Variants in IL4I1 observed in about 807,000 individuals in gnomAD.
The protein encoded by IL4I1 is L-amino-acid oxidase.
IL4I1 carries 24 observed loss-of-function variants against 29.7 expected under a neutral mutation model. The ratio of observed to expected loss-of-function variants is 0.81; its 90% CI spans 0.59 to 1.14. The LOEUF (loss-of-function observed/expected upper bound fraction) is 1.14. IL4I1 is among the 50% of genes most tolerant of loss of function. The probability of loss-of-function intolerance (pLI) is 0.00; values close to 1 mark genes in which losing one functional copy is unlikely to be tolerated. For synonymous variants in IL4I1, 371 were observed against 352.5 expected (o/e 1.05, Z -0.59); for missense variants, 686 against 785.6 (o/e 0.87, Z 1.52).
chr19:49,917,989 G>A (rs1363902228), intron 2 of IL4I1, among the ~76,000 whole-genome samples: 3 of 152,040 alleles, frequency 2.0e-5, no homozygotes, highest in African/African-American at 7.3e-5. Flanking sequence ...CTGGGTGACA[G>A]AGCGAGACTC....
At chr19:49,916,706 G>A (rs1383647294) in intron 2 of IL4I1, among the ~76,000 whole-genome samples, 2 of 151,562 alleles carry the variant, frequency 1.3e-5, no homozygotes, top group Non-Finnish European at 1.5e-5. Flanking sequence ...GGAGCTTGCA[G>A]TAAGCCGAGA....
At chr19:49,918,915 GT>G (rs2075696034) in intron 2 of IL4I1, among the ~76,000 whole-genome samples, 6 of 109,828 alleles carry the variant, frequency 5.5e-5, no homozygotes, top group African/African-American at 1.8e-4. Context: ...GGGGCGGGGT[GT>G]GGGGGGGCGG....
Position 49,909,017 on chromosome 19 carries a change from G to A in IL4I1, c.-227-4696C>T, listed in dbSNP as rs375689644. The A allele has an allele frequency of 3.7e-6, 6 of 1,612,846 alleles. No homozygotes were observed. The highest frequency in any genetic ancestry group is 1.7e-4 in the Middle Eastern group (1 of 5,868). On this transcript the variant is annotated intron_variant, in intron 2 of 9. Transcript: ENST00000341114. ...GGATGTTGTTGTGGAGGTGCCGGAA[G>A]CTGCTCCAGGTGCCTTTAAGCTGAA...
chr19:49,909,124 A>G (rs1600499714), intron 2 of IL4I1: 1 of 1,612,182 alleles, frequency 6.2e-7, no homozygotes, highest in Non-Finnish European at 8.5e-7. Context: ...ATGAGGTTGG[A>G]GCAGTTGCTA....
chr19:49,895,159 T>G lies in IL4I1; in HGVS notation c.274A>C (p.Asn92His). The change falls in exon 4 of 8, where the codon AAC (asparagine) becomes CAC (histidine). Residue 92 changes from asparagine (N) to histidine (H), a missense_variant. Physicochemically the swap from Asn to His is moderately conservative, Grantham distance 68. Coordinates refer to ENST00000391826, the MANE Select transcript of IL4I1 (RefSeq NM_152899.2). Reference sequence around the variant, plus strand: ...GTGAAGATGCGGCCCCCGATCCTGTTATCTGCCTCCAGGATGGTGACCTGA... The same window carrying G: ...GTGAAGATGCGGCCCCCGATCCTGTGATCTGCCTCCAGGATGGTGACCTGA... ...GHKVTILEAD[N>H]RIGGRIFTYR... is the part of the protein sequence containing the mutation. 2.5e-6 allele frequency: 4 copies of G among 1,613,790 alleles called. No homozygotes were observed. Among genetic ancestry groups the G allele is most frequent in the Non-Finnish European group, 3.4e-6 (4 of 1,179,820 alleles).
Position 49,896,002 on chromosome 19 carries a change from T to C in IL4I1, c.65A>G (p.Gln22Arg), listed in dbSNP as rs2122530299. The C allele has an allele frequency of 6.2e-7, 1 of 1,614,068 alleles. No homozygotes were observed. The highest frequency in any genetic ancestry group is 8.5e-7 in the Non-Finnish European group (1 of 1,180,002). The change falls in exon 3 of 8, where the codon CAG (glutamine) becomes CGG (arginine). Residue 22 changes from glutamine to arginine, a missense_variant. Gln to Arg is a conservative substitution (Grantham distance 43). Transcript: ENST00000391826. ...TTGGCTGCGTTCAGCCTTCCAGTCC[T>C]GGGAGGCCACCAGGCTGAGGAGGAT... ...VPILLSLVAS[Q>R]DWKAERSQDP... is the part of the protein sequence containing the mutation.
chr19:49,908,341 G>C, intron 2 of IL4I1: 1 of 1,614,100 alleles, frequency 6.2e-7, no homozygotes, highest in Non-Finnish European at 8.5e-7. Context: ...CCGAGTTCTG[G>C]TCGATCCACT....
intron 2 of IL4I1, chr19:49,907,129 GAC>G (rs1422190887): frequency 6.2e-6 from 1 of 160,668 alleles, no homozygotes; most frequent in Non-Finnish European, 1.4e-5. Context: ...CACGGGGAAC[GAC>G]AGTGGGTCTC....
intron 2 of IL4I1, among the ~76,000 whole-genome samples, chr19:49,912,569 G>A (rs1031443095): frequency 1.3e-5 from 2 of 152,116 alleles, no homozygotes; most frequent in Non-Finnish European, 2.9e-5. Flanking sequence ...CCTGATCCAC[G>A]CAGTTTAGAT....
At chr19:49,927,412 C>T (rs143295656) in intron 2 of IL4I1, among the ~76,000 whole-genome samples, 25 of 152,176 alleles carry the variant, frequency 1.6e-4, no homozygotes, top group East Asian at 7.7e-4. Flanking sequence ...GCAAAAAATT[C>T]GCATGTTTTG....
chr19:49,896,515 A>G (rs1414819011), intron 1 of IL4I1, among the ~76,000 whole-genome samples: 3 of 150,234 alleles, frequency 2.0e-5, no homozygotes, highest in African/African-American at 7.4e-5. Context: ...GCTCACTGCA[A>G]CCTCCGCCTC....
At position 49,909,607 on chromosome 19, in the gene IL4I1, C is replaced by T. The variant is rs773508524; in HGVS notation, c.-227-5286G>A. On this transcript the variant is annotated intron_variant, in intron 2 of 9. Transcript: ENST00000341114. ...AAGTGAAGCCTGTCGTCTGTGTGGC[C>T]GGAGTCTGGGTGGCAAGTGAGAACA... 2.4e-5 allele frequency: 39 copies of T among 1,613,246 alleles called. No homozygotes were observed. The Middle Eastern group carries it at 8.2e-4, about 34-fold the overall frequency.
chr19:49,915,075 C>G (rs899945470), intron 2 of IL4I1, among the ~76,000 whole-genome samples: 8 of 151,864 alleles, frequency 5.3e-5, no homozygotes, highest in African/African-American at 1.9e-4. Flanking sequence ...GGACAGGAGT[C>G]TGTGCCTGGG....
In IL4I1 at chr19:49,890,163, G is replaced by C; in HGVS notation, c.1211C>G (p.Ala404Gly). The change falls in exon 8 of 8, where the codon GCG becomes GGG. Residue 404 changes from alanine (A) to glycine (G), a missense_variant. Coordinates refer to ENST00000391826, the MANE Select transcript of IL4I1 (RefSeq NM_152899.2). ...CCGGCTCAAGCCGGCGAACGCTGCC[G>C]CCGCGTCCGACCACGTGTACGAGGC... is the stretch of plus-strand genomic sequence containing the variant. ...LLASYTWSDAAAAFAGLSREE... is the reference protein window; with the variant it reads ...LLASYTWSDAGAAFAGLSREE... 1 of 1,541,804 alleles carries C rather than the reference G, an allele frequency of 6.5e-7. No individual in the cohort carries two copies. Among genetic ancestry groups the C allele is most frequent in the Non-Finnish European group, 8.7e-7 (1 of 1,142,988 alleles).
intron 2 of IL4I1, among the ~76,000 whole-genome samples, chr19:49,927,188 C>CG: frequency 1.3e-5 from 2 of 152,090 alleles, no homozygotes; most frequent in Middle Eastern, 6.8e-3. Context: ...AATGCCACTT[C>CG]GTACCACAGG....
upstream of IL4I1, chr19:49,901,731 G>A: frequency 6.6e-6 from 10 of 1,512,948 alleles, no homozygotes; most frequent in Non-Finnish European, 8.9e-6. Flanking sequence ...CGGAATCAAG[G>A]TGAATGATGG....
chr19:49,914,131 T>A (rs2075557619), intron 2 of IL4I1, among the ~76,000 whole-genome samples: 1 of 152,174 alleles, frequency 6.6e-6, no homozygotes, highest in South Asian at 2.1e-4. Flanking sequence ...GGAGGATTGC[T>A]TAAGCCCAGG....
chr19:49,892,401 TG>T (rs2075151463), intron 5 of IL4I1, among the ~76,000 whole-genome samples: 3 of 152,104 alleles, frequency 2.0e-5, no homozygotes, highest in Non-Finnish European at 4.4e-5. Context: ...TCTGACTCTC[TG>T]GGGAAGGCCT....
At chr19:49,899,098 G>C (rs572365039), upstream of IL4I1, among the ~76,000 whole-genome samples, 16 of 152,298 alleles carry the variant, frequency 1.1e-4, no homozygotes, top group African/African-American at 3.6e-4. Flanking sequence ...TCCCACAGTG[G>C]GGAATGGCAG....
Sources: allele counts gnomAD v4.1 joint callset (sites outside exome capture counted in the v4.1 genomes callset), GRCh38; gene constraint gnomAD v4.1.1; transcripts MANE v1.5; gene names NCBI Gene and HGNC (gene_info 2026-07-23, HGNC 2026-07-21).